The following KIAA1210 variants were observed in gnomAD, a reference collection of about 807,000 sequenced individuals.
KIAA1210 encodes KIAA1210, also known as acrosomal protein KIAA1210.
Under a neutral mutation model 78.9 loss-of-function variants are expected in KIAA1210, and 48 were observed. The observed-to-expected ratio is 0.61, with a 90% CI of 0.48 to 0.77. The LOEUF is 0.77. Ranked by LOEUF, KIAA1210 falls within the 30% of genes least tolerant of loss-of-function variation. KIAA1210 has a pLI of 0.00. For missense variants in KIAA1210, 1,108 were observed against 1,100.0 expected (o/e 1.01, Z -0.10); for synonymous variants, 406 against 404.5 (o/e 1.00, Z -0.04).
In KIAA1210 at chrX:119,089,247, C is replaced by T. The variant is rs770091941; in HGVS notation, c.1455G>A (p.Glu485=). Residue 485 remains glutamate (E), a synonymous_variant, in exon 9 of 12, where the codon GAG becomes GAA. Coordinates refer to ENST00000691062, the MANE Select transcript of KIAA1210 (RefSeq NM_001394962.1). ...PYHEDAASGA[E]KTEARASLSL... ...AGAGAGAAGCTCTGGCTTCTGTCTT[C>T]TCAGCTCCAGAAGCTGCATCTTCAT... 1.5e-5 allele frequency: 18 copies of T among 1,210,101 alleles called. No individual in the cohort carries two copies. In the South Asian group the frequency reaches 1.6e-4, roughly 11 times the overall value.
chrX:119,143,340 A>G (rs1036281359), intron 2 of KIAA1210, among the ~76,000 whole-genome samples: 4 of 112,304 alleles, frequency 3.6e-5, no homozygotes, highest in African/African-American at 1.3e-4. Context: ...CATTGGATCA[A>G]TAGGCCACAG....
intron 1 of KIAA1210, chrX:119,150,256 G>A: frequency 8.5e-7 from 1 of 1,169,873 alleles, no homozygotes; most frequent in Non-Finnish European, 1.1e-6. Context: ...TACAAACTCT[G>A]TCAAAGTCAA....
rs375379803 is a variant in KIAA1210 at position 119,137,645 on chromosome X, C to T, written c.410+9828G>A. On this transcript the variant is annotated intron_variant, in intron 2 of 13. Transcript: ENST00000402510. ...GGATGGCTTTGAATGTGGCCCAACACAAATTCATCAACTTTCTTAAAACAT... is the reference window on the plus strand; with the variant it reads ...GGATGGCTTTGAATGTGGCCCAACATAAATTCATCAACTTTCTTAAAACAT... Among the ~76,000 whole-genome samples, 3 of 112,859 alleles carry T rather than the reference C, an allele frequency of 2.7e-5. No individual in the cohort carries two copies. In the Admixed American group the frequency reaches 2.8e-4, roughly 11 times the overall value.
At chrX:119,095,395 T>A (rs1603266368) in intron 7 of KIAA1210, among the ~76,000 whole-genome samples, 1 of 111,554 alleles carries the variant, frequency 9.0e-6, no homozygotes, top group East Asian at 2.8e-4. Context: ...TAACATTTTT[T>A]AACTTTTTTT....
chrX:119,148,369 T>G (rs1929217270), intron 1 of KIAA1210, among the ~76,000 whole-genome samples: 1 of 111,496 alleles, frequency 9.0e-6, no homozygotes, highest in Non-Finnish European at 1.9e-5. Flanking sequence ...CCAAAGAGAA[T>G]AGCTAAAAAC....
Position 119,086,568 on chromosome X carries a change from C to T in KIAA1210, c.4134G>A (p.Lys1378=). 1 of 1,206,804 alleles carries T rather than the reference C, an allele frequency of 8.3e-7. No individual in the cohort carries two copies. ...TACCTGGGGTCTTGCAAGCAGGTTG[C>T]TTCTTGGCCATGCTTTCAGATTTGG... The part of the protein sequence containing the change: ...SRPKSESMAK[K]QPACKTPGKP... The change falls in exon 9 of 12, where the codon AAG becomes AAA. Residue 1378 remains lysine, a synonymous_variant. Coordinates refer to ENST00000691062, the MANE Select transcript of KIAA1210 (RefSeq NM_001394962.1).
chrX:119,127,142 T>G (rs1475790859), intron 1 of KIAA1210, among the ~76,000 whole-genome samples: 1 of 109,799 alleles, frequency 9.1e-6, no homozygotes, highest in Non-Finnish European at 1.9e-5. Context: ...TTTGTGTCAT[T>G]GGTAAGTTCC....
intron 2 of KIAA1210, among the ~76,000 whole-genome samples, chrX:119,144,045 C>T (rs747798396): frequency 1.8e-5 from 2 of 112,432 alleles, no homozygotes; most frequent in East Asian, 2.8e-4. Flanking sequence ...GTGGCTGAAC[C>T]GTTGGGAAGT....
At chrX:119,090,374 C>G (rs999728669) in intron 8 of KIAA1210, among the ~76,000 whole-genome samples, 1 of 111,201 alleles carries the variant, frequency 9.0e-6, no homozygotes, top group Non-Finnish European at 1.9e-5. Context: ...TGGGTTCAAG[C>G]AATTCTCCTG....
At position 119,079,678 on chromosome X, in the gene KIAA1210, C is replaced by T. The variant is rs999134785; in HGVS notation, c.*1651G>A. ...ATTTGCTGGGCCACTTGCCCCCTCC[C>T]CTCACAGCTGACCATCCCTCTCATC... On this transcript the variant is annotated 3_prime_UTR_variant, in exon 12 of 12. Transcript: ENST00000691062. 8.1e-5 allele frequency: 9 copies of T among 111,543 alleles called. No homozygotes were observed. Among genetic ancestry groups the T allele is most frequent in the Non-Finnish European group, 1.7e-4 (9 of 53,051 alleles). 9.2% of individuals were successfully genotyped at this position (111,543 alleles called of 1,213,427 possible). A position where few individuals can be genotyped will look rare whatever the true frequency, so the allele number is the denominator to read the frequency against.
chrX:119,110,986 A>C (rs1415352119), intron 3 of KIAA1210, among the ~76,000 whole-genome samples: 1 of 111,039 alleles, frequency 9.0e-6, no homozygotes, highest in East Asian at 2.8e-4. Context: ...ACAAATAGCC[A>C]AAATAATCTT....
At chrX:119,109,303 G>A (rs1324032972) in intron 3 of KIAA1210, 101 bp from the exon 4 acceptor site, 57 of 815,342 alleles carry the variant, frequency 7.0e-5, no homozygotes, top group Non-Finnish European at 9.7e-5. Context: ...ACCTCAGAAG[G>A]AGAGCAGGGA....
At chrX:119,084,653 T>C (rs1927075448) in intron 10 of KIAA1210, among the ~76,000 whole-genome samples, 1 of 110,786 alleles carries the variant, frequency 9.0e-6, no homozygotes, top group African/African-American at 3.3e-5. Flanking sequence ...GATAAAATAC[T>C]ATGAACTGGG....
At chrX:119,108,588 G>A (rs1311953707) in intron 4 of KIAA1210, 117 bp from the exon 5 acceptor site, 17 of 881,263 alleles carry the variant, frequency 1.9e-5, no homozygotes, top group Non-Finnish European at 2.6e-5. Flanking sequence ...ATATAGGCCA[G>A]GCACGGTGGC....
chrX:119,083,998 C>CAAAAA (rs751363845), intron 10 of KIAA1210, among the ~76,000 whole-genome samples: 5 of 16,963 alleles, frequency 2.9e-4, no homozygotes, highest in Non-Finnish European at 3.6e-4. Flanking sequence ...GAACCTGTCT[C>CAAAAA]AAAAAAAAAA....
At chrX:119,089,771 G>A (rs1361369852) in intron 8 of KIAA1210, 25 bp from the exon 9 acceptor site, 5 of 1,139,442 alleles carry the variant, frequency 4.4e-6, no homozygotes, top group Non-Finnish European at 5.9e-6. Context: ...AATAAGGAAA[G>A]GAGAAATATG....
At chrX:119,146,440 C>T (rs1195118941) in intron 2 of KIAA1210, among the ~76,000 whole-genome samples, 3 of 111,930 alleles carry the variant, frequency 2.7e-5, no homozygotes, top group African/African-American at 9.7e-5. Context: ...GGAAACCAAA[C>T]CTCCCTACAA....
intron 2 of KIAA1210, among the ~76,000 whole-genome samples, chrX:119,146,753 A>G (rs1241281418): frequency 2.7e-5 from 3 of 111,458 alleles, no homozygotes; most frequent in East Asian, 2.8e-4. Context: ...CTGCCACTCC[A>G]TTGGCACCCA....
At chrX:119,081,550 A>G (rs199624249) in intron 11 of KIAA1210, 46 bp from the exon 12 acceptor site, 2 of 1,108,156 alleles carry the variant, frequency 1.8e-6, no homozygotes, top group African/African-American at 3.6e-5. Flanking sequence ...AACCCCAGCG[A>G]TATTGGGGTA....
Sources: gnomAD v4.1 joint callset for allele counts (sites outside exome capture counted in the v4.1 genomes callset) on GRCh38, gnomAD v4.1.1 for gene constraint, MANE v1.5 for transcripts, NCBI Gene and HGNC (gene_info 2026-07-23, HGNC 2026-07-21) for gene names.